AFAP1L1: variants seen among roughly 807,000 people sequenced by gnomAD.
AFAP1L1 encodes the protein actin filament-associated protein 1-like 1.
Under a neutral mutation model 99.8 loss-of-function variants are expected in AFAP1L1, and 77 were observed. The observed-to-expected ratio is 0.77, with a 90% CI of 0.64 to 0.93. The LOEUF (loss-of-function observed/expected upper bound fraction) is 0.93, where lower values mean the gene tolerates loss of function less well. Ranked by LOEUF, AFAP1L1 falls within the 40% of genes least tolerant of loss-of-function variation. The pLI is 0.00. For missense variants in AFAP1L1, 893 were observed against 996.8 expected (o/e 0.90, Z 1.40); for synonymous variants, 373 against 395.3 (o/e 0.94, Z 0.67).
chr5:149,336,390 T>G (rs1446583362), intron 18 of AFAP1L1, among the ~76,000 whole-genome samples: 2 of 152,224 alleles, frequency 1.3e-5, no homozygotes, highest in East Asian at 3.8e-4. Context: ...GGAGAAATAT[T>G]TTGGTTTCAC....
intron 16 of AFAP1L1, among the ~76,000 whole-genome samples, chr5:149,331,486 G>A (rs77978383): frequency 2.0e-5 from 3 of 151,980 alleles, no homozygotes; most frequent in Admixed American, 6.5e-5. Context: ...CGGGTGTGGC[G>A]GCGGGTGCCT....
At position 149,301,247 on chromosome 5, in the gene AFAP1L1, G is replaced by A. The variant is rs975478837; in HGVS notation, c.327+17G>A. The stretch of plus-strand genomic sequence containing the variant: ...CTGAGAAACGTGAGTCATGGCCTGG[G>A]TTCCCACACCTCAGGGCCTCTGTCC... On this transcript the variant is annotated intron_variant, in intron 4 of 18. Coordinates refer to ENST00000296721, the MANE Select transcript of AFAP1L1 (RefSeq NM_152406.4). The A allele has an allele frequency of 3.7e-6, 6 of 1,612,154 alleles. No individual in the cohort carries two copies. Among genetic ancestry groups the A allele is most frequent in the Non-Finnish European group, 5.1e-6 (6 of 1,178,632 alleles).
chr5:149,272,554 T>G (rs1755160320), intron 1 of AFAP1L1, among the ~76,000 whole-genome samples: 1 of 152,210 alleles, frequency 6.6e-6, no homozygotes. Flanking sequence ...GCGACAAAGT[T>G]GGACTAGATG....
intron 6 of AFAP1L1, 66 bp from the exon 7 acceptor site, chr5:149,307,336 C>A: frequency 6.5e-7 from 1 of 1,543,934 alleles, no homozygotes; most frequent in Non-Finnish European, 8.9e-7. Flanking sequence ...GGGATCGCTG[C>A]AGAGGGGTGA....
chr5:149,305,821 C>T (rs1195976727), intron 5 of AFAP1L1, among the ~76,000 whole-genome samples: 3 of 151,726 alleles, frequency 2.0e-5, no homozygotes, highest in African/African-American at 7.3e-5. Flanking sequence ...AGGTCTCAGC[C>T]CAAGCAACTG....
chr5:149,286,731 T>C (rs1755694483), intron 1 of AFAP1L1, among the ~76,000 whole-genome samples: 1 of 152,186 alleles, frequency 6.6e-6, no homozygotes, highest in South Asian at 2.1e-4. Context: ...AACAGCATCA[T>C]CAGCCTTGAG....
intron 2 of AFAP1L1, 46 bp from the exon 3 acceptor site, chr5:149,300,225 G>C: frequency 6.8e-7 from 1 of 1,463,562 alleles, no homozygotes; most frequent in Non-Finnish European, 9.5e-7. Context: ...GGGGAGACCT[G>C]GTCCCTCCTC....
At chr5:149,273,956 G>T (rs1442832163) in intron 1 of AFAP1L1, among the ~76,000 whole-genome samples, 2 of 152,096 alleles carry the variant, frequency 1.3e-5, no homozygotes, top group African/African-American at 4.8e-5. Context: ...TTAAATGCTT[G>T]GTAACCAACA....
chr5:149,331,709 A>T (rs1186676151), intron 16 of AFAP1L1, among the ~76,000 whole-genome samples: 1 of 152,248 alleles, frequency 6.6e-6, no homozygotes, highest in Non-Finnish European at 1.5e-5. Context: ...GTTTACAAGT[A>T]ACAGAAACCA....
At chr5:149,302,779 T>A in intron 5 of AFAP1L1, 1 of 376,374 alleles carries the variant, frequency 2.7e-6, no homozygotes, top group Non-Finnish European at 4.9e-6. Flanking sequence ...AAAATCCCCT[T>A]GCCCTCTGGA....
At chr5:149,282,132 C>T (rs1281551698) in intron 1 of AFAP1L1, among the ~76,000 whole-genome samples, 1 of 152,152 alleles carries the variant, frequency 6.6e-6, no homozygotes, top group Non-Finnish European at 1.5e-5. Flanking sequence ...CAGAGCTGGC[C>T]TGGCGTGATT....
chr5:149,322,987 G>T (rs576556188), intron 15 of AFAP1L1, among the ~76,000 whole-genome samples: 1 of 152,260 alleles, frequency 6.6e-6, no homozygotes, highest in Non-Finnish European at 1.5e-5. Flanking sequence ...CAACTATAGG[G>T]GAGGCTGCTG....
chr5:149,287,433 G>A (rs959708868), intron 1 of AFAP1L1, among the ~76,000 whole-genome samples: 1 of 152,048 alleles, frequency 6.6e-6, no homozygotes, highest in Non-Finnish European at 1.5e-5. Flanking sequence ...GCTTTGAATG[G>A]TAAGTTTGTG....
At chr5:149,289,283 A>G (rs1426774895) in intron 1 of AFAP1L1, among the ~76,000 whole-genome samples, 3 of 152,138 alleles carry the variant, frequency 2.0e-5, no homozygotes, top group Non-Finnish European at 4.4e-5. Context: ...GTGGAGTCAA[A>G]TTTGTACTAT....
chr5:149,309,800 G>C (rs574983324), intron 7 of AFAP1L1, among the ~76,000 whole-genome samples, 156 bp from the exon 8 acceptor site: 143 of 152,294 alleles, frequency 9.4e-4, no homozygotes, highest in Non-Finnish European at 1.4e-3. Context: ...TGAACAGCCT[G>C]GACCCTTCAG....
Position 149,310,141 on chromosome 5 carries a change from T to C in AFAP1L1, c.927+6T>C. ...AGGCCGAGGAGTGGCTGAAGGTGCG[T>C]GGCCTGCACCTGACCTTCCCGCCTT... On this transcript the variant is annotated splice_donor_region_variant and intron_variant, in intron 8 of 18. Coordinates refer to ENST00000296721, the MANE Select transcript of AFAP1L1 (RefSeq NM_152406.4). The C allele has an allele frequency of 6.3e-7, 1 of 1,585,708 alleles. No individual in the cohort carries two copies. The highest frequency in any genetic ancestry group is 1.3e-5 in the African/African-American group (1 of 74,576).
chr5:149,303,558 A>G (rs1337147085), intron 5 of AFAP1L1, among the ~76,000 whole-genome samples: 1 of 152,244 alleles, frequency 6.6e-6, no homozygotes, highest in African/African-American at 2.4e-5. Flanking sequence ...CCACCAAAAA[A>G]TAATCAAATT....
intron 1 of AFAP1L1, among the ~76,000 whole-genome samples, chr5:149,280,613 C>G (rs975556696): frequency 2.0e-5 from 3 of 152,146 alleles, no homozygotes; most frequent in Non-Finnish European, 4.4e-5. Flanking sequence ...TCACACTTTT[C>G]AACTGAATGA....
intron 1 of AFAP1L1, among the ~76,000 whole-genome samples, chr5:149,292,294 A>G (rs961108711): frequency 1.3e-5 from 2 of 152,234 alleles, no homozygotes. Context: ...TCTGAGCGCT[A>G]GTGTCCTTTC....
Sources: gnomAD v4.1 joint callset for allele counts (sites outside exome capture counted in the v4.1 genomes callset) on GRCh38, gnomAD v4.1.1 for gene constraint, MANE v1.5 for transcripts, NCBI Gene and HGNC (gene_info 2026-07-23, HGNC 2026-07-21) for gene names.